Variants in SNX27 observed in about 807,000 individuals in gnomAD.
The protein encoded by SNX27 is sorting nexin-27.
In SNX27, 22 loss-of-function variants were observed where a neutral mutation model predicts 71.6. That is an observed-to-expected ratio of 0.31 (90% CI 0.22 to 0.44). SNX27 has a LOEUF of 0.44. SNX27 is among the 20% of genes least tolerant of loss of function. The probability of loss-of-function intolerance (pLI) is 1.00; values close to 1 mark genes in which losing one functional copy is unlikely to be tolerated. For missense variants in SNX27, 531 were observed against 698.6 expected (o/e 0.76, Z 2.70); for synonymous variants, 269 against 277.2 (o/e 0.97, Z 0.29).
chr1:151,623,053 A>G (rs1032020794), intron 1 of SNX27, among the ~76,000 whole-genome samples: 5 of 150,512 alleles, frequency 3.3e-5, no homozygotes, highest in African/African-American at 1.2e-4. Context: ...GCTCACTGCA[A>G]CCTCCCCCTC....
In SNX27 at chr1:151,620,231, A is replaced by G. The variant is rs143748007; in HGVS notation, c.311+7719A>G. 6.6e-5 allele frequency among the ~76,000 whole-genome samples: 10 copies of G among 152,360 alleles called. No individual in the cohort carries two copies. In the East Asian group the frequency reaches 1.9e-3, roughly 29 times the overall value. On this transcript the variant is annotated intron_variant, in intron 1 of 11. Coordinates refer to ENST00000458013, the MANE Select transcript of SNX27 (RefSeq NM_001330723.2). ...AAAGATGGCTTTGAATGTAATCCCA[A>G]GAAGTTTGGATTTTTTTCTCTTTAT... is the stretch of plus-strand genomic sequence containing the variant.
intron 7 of SNX27, among the ~76,000 whole-genome samples, chr1:151,681,268 G>T (rs1238044017): frequency 1.4e-5 from 1 of 73,438 alleles, no homozygotes; most frequent in African/African-American, 5.0e-5. Flanking sequence ...TTGCGATGGA[G>T]TCTTGCTCTG....
intron 1 of SNX27, among the ~76,000 whole-genome samples, chr1:151,624,191 C>G (rs926995288): frequency 1.3e-5 from 2 of 151,582 alleles, no homozygotes; most frequent in Non-Finnish European, 2.9e-5. Flanking sequence ...GTCTCAAACT[C>G]CTGGGCTCAA....
chr1:151,612,399 A>C lies in SNX27; in HGVS notation c.198A>C (p.Gln66His). ...NVRGQVSEGGQLRSINGELYA... is the reference protein window; with the variant it reads ...NVRGQVSEGGHLRSINGELYA... ...GGGGCCAAGTGAGCGAGGGCGGGCA[A>C]CTGCGGAGCATCAACGGGGAGCTGT... Residue 66 changes from glutamine to histidine, a missense_variant, in exon 1 of 12, where the codon CAA becomes CAC. This residue lies in a region of SNX27 where 130 missense variants were observed against 143.5 expected (regional missense o/e 0.91). Transcript: ENST00000458013. The surrounding 1 kb of genome is among the most constrained non-coding windows in gnomAD (Gnocchi z 5.2). 4 of 1,523,286 alleles carry C rather than the reference A, an allele frequency of 2.6e-6. No homozygotes were observed. Among genetic ancestry groups the C allele is most frequent in the Non-Finnish European group, 3.5e-6 (4 of 1,137,772 alleles). The allele number at this position is 1,523,286 out of a possible 1,614,324, so 94.4% of individuals were successfully genotyped here.
intron 2 of SNX27, among the ~76,000 whole-genome samples, chr1:151,656,138 G>A (rs1294696984): frequency 2.6e-5 from 4 of 151,506 alleles, no homozygotes; most frequent in African/African-American, 4.9e-5. Flanking sequence ...CAGGAGAATG[G>A]CGTGAACCCG....
At chr1:151,676,545 A>G (rs1670711662) in intron 7 of SNX27, 2 of 151,834 alleles carry the variant, frequency 1.3e-5, no homozygotes, top group African/African-American at 4.8e-5. Context: ...GGCTCAAGCG[A>G]TCTGCCTGCC....
intron 2 of SNX27, among the ~76,000 whole-genome samples, chr1:151,649,389 C>G (rs1192413792): frequency 6.6e-6 from 1 of 151,886 alleles, no homozygotes; most frequent in East Asian, 1.9e-4. Flanking sequence ...TTGAGATCAC[C>G]CTGGGCAACA....
chr1:151,651,672 C>G (rs1158269459), intron 2 of SNX27, among the ~76,000 whole-genome samples: 3 of 151,968 alleles, frequency 2.0e-5, no homozygotes, highest in Non-Finnish European at 4.4e-5. Flanking sequence ...CTCCTCACTT[C>G]CTAGATGGGA....
intron 7 of SNX27, 103 bp downstream of exon 7, chr1:151,668,738 C>T: frequency 1.0e-6 from 1 of 999,100 alleles, no homozygotes. Context: ...CTGCTTTGCT[C>T]CTGGGTCTGA....
chr1:151,665,753 C>T (rs1377520153), intron 5 of SNX27, among the ~76,000 whole-genome samples, 180 bp from the exon 6 acceptor site: 5 of 152,186 alleles, frequency 3.3e-5, no homozygotes, highest in African/African-American at 4.8e-5. Context: ...TATATGTATG[C>T]GTGCATGCAT....
intron 2 of SNX27, among the ~76,000 whole-genome samples, chr1:151,657,306 C>T (rs763187740): frequency 2.0e-5 from 3 of 152,122 alleles, no homozygotes; most frequent in Non-Finnish European, 4.4e-5. Context: ...CCTGGGACTA[C>T]AGGCGCATGC....
chr1:151,655,789 G>A (rs977720319), intron 2 of SNX27, among the ~76,000 whole-genome samples: 4 of 152,130 alleles, frequency 2.6e-5, no homozygotes, highest in African/African-American at 9.7e-5. Context: ...AATGGAGAAT[G>A]TTTTTTATTT....
chr1:151,664,854 A>C (rs1401046615), intron 5 of SNX27, among the ~76,000 whole-genome samples: 3 of 152,274 alleles, frequency 2.0e-5, no homozygotes, highest in Admixed American at 2.0e-4. Flanking sequence ...AGCAAGGCTT[A>C]GGTTTTTTAC....
intron 2 of SNX27, among the ~76,000 whole-genome samples, chr1:151,651,450 C>T (rs1669364773): frequency 1.3e-5 from 2 of 149,908 alleles, no homozygotes; most frequent in Non-Finnish European, 1.5e-5. Context: ...CCAGATGGGG[C>T]GGCTGCCGGG....
chr1:151,691,305 A>G (rs2489893), intron 8 of SNX27, among the ~76,000 whole-genome samples: 13,073 of 151,216 alleles, frequency 0.086, 1,367 homozygotes, highest in East Asian at 0.34. Context: ...AGAAATATTT[A>G]CTCCCTTTCT....
intron 8 of SNX27, 56 bp downstream of exon 8, chr1:151,683,501 T>C: frequency 7.6e-7 from 1 of 1,317,784 alleles, no homozygotes. Flanking sequence ...CTTTAAAACC[T>C]ATAGTCCTAG....
At chr1:151,693,945 C>A (rs1208087724) in intron 11 of SNX27, 1 of 1,293,954 alleles carries the variant, frequency 7.7e-7, no homozygotes, top group Non-Finnish European at 9.8e-7. Flanking sequence ...AGTGCTGGAA[C>A]AGAATTTGGA....
rs756276658 is a variant in SNX27, at chr1:151,683,436, A to C, written c.1230A>C (p.Lys410Asn). Reference protein sequence around the residue: ...YQLQKLYEQRKMVMYLNMLRT... With the variant: ...YQLQKLYEQRNMVMYLNMLRT... ...TACAGAAGCTATACGAACAAAGAAA[A>C]ATGGTCATGGTAAGTTTATGTCCCC... is the stretch of plus-strand genomic sequence containing the variant. The change falls in exon 8 of 12, where the codon AAA becomes AAC. Residue 410 changes from lysine to asparagine, a missense_variant. Lys to Asn is a moderately conservative substitution (Grantham distance 94). Around this residue, in one of 5 missense-constraint regions of SNX27, gnomAD observed 157 missense variants for 178.4 expected, o/e 0.88. Coordinates refer to ENST00000458013, the MANE Select transcript of SNX27 (RefSeq NM_001330723.2). 1 of 1,613,034 alleles carries C rather than the reference A, an allele frequency of 6.2e-7. No individual in the cohort carries two copies.
chr1:151,673,663 C>T (rs1338835458), intron 7 of SNX27, among the ~76,000 whole-genome samples: 2 of 152,146 alleles, frequency 1.3e-5, no homozygotes, highest in Non-Finnish European at 1.5e-5. Context: ...GTCTGTCTCT[C>T]TCTTTAGCTG....
Sources: gnomAD v4.1 joint callset for allele counts (sites outside exome capture counted in the v4.1 genomes callset) on GRCh38, gnomAD v4.1.1 for gene constraint, gnomAD v4.1.1 regional missense constraint, Gnocchi (gnomAD v3.1) non-coding constraint, MANE v1.5 for transcripts, NCBI Gene and HGNC (gene_info 2026-07-23, HGNC 2026-07-21) for gene names.